Variants in TCHH observed in about 807,000 individuals in gnomAD.
TCHH encodes trichohyalin.
Under a neutral mutation model 6.3 loss-of-function variants are expected in TCHH, and 6 were observed. That is an observed-to-expected ratio of 0.95 (90% confidence interval 0.52 to 1.88). The LOEUF (loss-of-function observed/expected upper bound fraction) is 1.88. TCHH is among the 40% of genes most tolerant of loss of function. The pLI, the probability that TCHH is intolerant of heterozygous loss-of-function variation, is 0.01. For missense variants in TCHH, 2,920 were observed against 2,449.1 expected (o/e 1.19, Z -4.06); for synonymous variants, 1,087 against 963.6 (o/e 1.13, Z -2.37).
Position 152,107,829 on chromosome 1 carries a change from T to C in TCHH, c.5388A>G (p.Lys1796=). 6.2e-7 allele frequency: 1 copy of C among 1,613,182 alleles called. No homozygotes were observed. The highest frequency in any genetic ancestry group is 8.5e-7 in the Non-Finnish European group (1 of 1,179,778). ...QQLRSQESDR[K]FREEEQLRQE... is the part of the protein sequence containing the mutation. ...GGCGTAGCTGTTCCTCCTCGCGGAA[T>C]TTTCTGTCAGACTCTTGGCTGCGCA... Residue 1796 remains lysine, a synonymous_variant, in exon 3 of 3, where the codon AAA becomes AAG. Transcript: ENST00000614923.
At position 152,110,950 on chromosome 1, in the gene TCHH, C is replaced by A; in HGVS notation, c.2267G>T (p.Arg756Leu). The stretch of plus-strand genomic sequence containing the variant: ...GCGCTGCTCCTCTTCCTGCTGCTGC[C>A]GGTGAGCCCGTTCCTCCTCCTGCCA... The part of the protein sequence containing the change: ...LQWQEEERAH[R>L]QQQEEEQRRD... The change falls in exon 3 of 3, where the codon CGG (arginine) becomes CTG (leucine). Residue 756 changes from arginine to leucine, a missense_variant. By Grantham distance (102) the Arg-to-Leu change is moderately radical. Transcript: ENST00000614923. 1 of 1,613,246 alleles carries A rather than the reference C, an allele frequency of 6.2e-7. No individual in the cohort carries two copies. Among genetic ancestry groups the A allele is most frequent in the Non-Finnish European group, 8.5e-7 (1 of 1,179,960 alleles).
At position 152,108,195 on chromosome 1, in the gene TCHH, C is replaced by T. The variant is rs759025109; in HGVS notation, c.5022G>A (p.Gln1674=). 2.5e-6 allele frequency: 4 copies of T among 1,613,480 alleles called. No homozygotes were observed. The highest frequency in any genetic ancestry group is 1.7e-4 in the Middle Eastern group (1 of 6,058). Residue 1674 remains glutamine, a synonymous_variant, in exon 3 of 3, where the codon CAG becomes CAA. Transcript: ENST00000614923. The part of the protein sequence containing the change: ...DRDRKFREEE[Q]LLQEGEEQQL... ...GCTGTTCCTCCCCTTCCTGGAGCAG[C>T]TGTTCCTCTTCACGGAATTTTCTGT...
intron 2 of TCHH, 126 bp from the exon 3 acceptor site, chr1:152,113,204 T>G (rs901886782): frequency 2.1e-6 from 2 of 967,462 alleles, no homozygotes; most frequent in Admixed American, 5.9e-5. Context: ...TAGAAAAATG[T>G]CCAGTGTGTA....
In TCHH at chr1:152,108,557, C is replaced by T. The variant is rs758729961; in HGVS notation, c.4660G>A (p.Asp1554Asn). Reference protein sequence around the residue: ...ERGQQRRQDRDRKFREEEQLR... With the variant: ...ERGQQRRQDRNRKFREEEQLR... ...TGTTCCTCCTCGCGGAATTTTCTGTCACGGTCCTGACGCCGCTGTTGCCCG... is the reference window on the plus strand; with the variant it reads ...TGTTCCTCCTCGCGGAATTTTCTGTTACGGTCCTGACGCCGCTGTTGCCCG... The change falls in exon 3 of 3, where the codon GAC becomes AAC. Residue 1554 changes from aspartate (D) to asparagine (N), a missense_variant. Coordinates refer to ENST00000614923, the MANE Select transcript of TCHH (RefSeq NM_007113.4). The T allele has an allele frequency of 1.4e-5, 23 of 1,599,432 alleles. No homozygotes were observed. Among genetic ancestry groups the T allele is most frequent in the Middle Eastern group, 1.7e-4 (1 of 5,964 alleles).
Position 152,109,084 on chromosome 1 carries a change from T to C in TCHH, c.4133A>G (p.Glu1378Gly). The change falls in exon 3 of 3, where the codon GAG becomes GGG. Residue 1378 changes from glutamate to glycine, a missense_variant. By Grantham distance (98) the Glu-to-Gly change is moderately conservative. Coordinates refer to ENST00000614923, the MANE Select transcript of TCHH (RefSeq NM_007113.4). ...CTGGCGGCGCAGCCGCTGTTCCTCCTCGAGGAATTTTCTCCCTTGTTCCTG... is the reference window on the plus strand; with the variant it reads ...CTGGCGGCGCAGCCGCTGTTCCTCCCCGAGGAATTTTCTCCCTTGTTCCTG... ...RHQEQGRKFL[E>G]EEQRLRRQER... 6.2e-7 allele frequency: 1 copy of C among 1,613,136 alleles called. No homozygotes were observed. Among genetic ancestry groups the C allele is most frequent in the Non-Finnish European group, 8.5e-7 (1 of 1,179,814 alleles).
chr1:152,107,744 C>T lies in TCHH; in HGVS notation c.5473G>A (p.Glu1825Lys). ...TGTTCCTCAAGTTGGAGCTGCTCTT[C>T]TTCCCAGCGATACTTTCCGTCACGC... ...QQRDGKYRWE[E>K]EQLQLEEQEQ... is the part of the protein sequence containing the mutation. The change falls in exon 3 of 3, where the codon GAA (glutamate) becomes AAA (lysine). Residue 1825 changes from glutamate (E) to lysine (K), a missense_variant. Transcript: ENST00000614923. 9 of 1,614,250 alleles carry T rather than the reference C, an allele frequency of 5.6e-6. No homozygotes were observed. Among genetic ancestry groups the T allele is most frequent in the Non-Finnish European group, 7.6e-6 (9 of 1,180,048 alleles).
At chr1:152,114,141 A>G in intron 1 of TCHH, 30 bp from the exon 2 acceptor site, 2 of 1,504,568 alleles carry the variant, frequency 1.3e-6, no homozygotes, top group African/African-American at 1.4e-5. Flanking sequence ...TCCAGAATCA[A>G]AATCCCGTTT....
rs1291544156 is a variant in TCHH at position 152,112,941 on chromosome 1, G to A, written c.276C>T (p.Ala92=). ...CTCGCTTCTCCTCATCCAGTCCCGT[G>A]GCCTGGCCGAGAGCATAGTAACAAG... ...AQACYYALGQ[A]TGLDEEKRAR... Residue 92 remains alanine (A), a synonymous_variant, in exon 3 of 3, where the codon GCC becomes GCT. Transcript: ENST00000614923. 6.2e-7 allele frequency: 1 copy of A among 1,613,886 alleles called. No homozygotes were observed. Among genetic ancestry groups the A allele is most frequent in the East Asian group, 2.2e-5 (1 of 44,848 alleles).
intron 1 of TCHH, among the ~76,000 whole-genome samples, chr1:152,114,531 A>G (rs1440849743): frequency 6.6e-6 from 1 of 152,242 alleles, no homozygotes; most frequent in Non-Finnish European, 1.5e-5. Context: ...ACTTGAGAGT[A>G]TCTTAAAGTG....
chr1:152,111,867 CTCGCGCTTCAGCCG>C lies in TCHH; in HGVS notation c.1336_1349del (p.Arg446AlafsTer227), dbSNP rs1174048254. ...TCAGCCAATCGCGCCTCTCCTCCTG[CTCGCGCTTCAGCCG>C]CTGCTCGCGCCTCTCCTGCTCGTGC... is the stretch of plus-strand genomic sequence containing the variant. On this transcript the variant is annotated frameshift_variant, in exon 3 of 3. Coordinates refer to ENST00000614923, the MANE Select transcript of TCHH (RefSeq NM_007113.4). LOFTEE classifies it low-confidence loss of function (END_TRUNC). 1 of 1,608,536 alleles carries C rather than the reference CTCGCGCTTCAGCCG, an allele frequency of 6.2e-7. No individual in the cohort carries two copies. Among genetic ancestry groups the C allele is most frequent in the Non-Finnish European group, 8.5e-7 (1 of 1,178,824 alleles).
At position 152,108,360 on chromosome 1, in the gene TCHH, T is replaced by G. The variant is rs980317030; in HGVS notation, c.4857A>C (p.Arg1619Ser). 4 of 1,610,732 alleles carry G rather than the reference T, an allele frequency of 2.5e-6. No individual in the cohort carries two copies. Among genetic ancestry groups the G allele is most frequent in the African/African-American group, 1.4e-5 (1 of 73,946 alleles). The stretch of plus-strand genomic sequence containing the variant: ...GCAGCTGTTCGTCTTCGCGGAATTT[T>G]CTGTCGCGCTCCTGGCGCAGCTGTT... ...GQQQLRQERD[R>S]KFREDEQLLQ... Residue 1619 changes from arginine to serine, a missense_variant, in exon 3 of 3, where the codon AGA becomes AGC. Coordinates refer to ENST00000614923, the MANE Select transcript of TCHH (RefSeq NM_007113.4).
At chr1:152,114,148 G>A (rs148062678) in intron 1 of TCHH, 37 bp from the exon 2 acceptor site, 6 of 1,469,548 alleles carry the variant, frequency 4.1e-6, no homozygotes, top group Admixed American at 4.8e-5. Context: ...TCAAAATCCC[G>A]TTTCTGCTTT....
chr1:152,110,921 C>A lies in TCHH; in HGVS notation c.2296G>T (p.Asp766Tyr), dbSNP rs777598354. 10 of 1,613,030 alleles carry A rather than the reference C, an allele frequency of 6.2e-6. No individual in the cohort carries two copies. The highest frequency in any genetic ancestry group is 1.3e-5 in the African/African-American group (1 of 74,898). Residue 766 changes from aspartate (D) to tyrosine (Y), a missense_variant, in exon 3 of 3, where the codon GAC becomes TAC. Asp to Tyr is a radical substitution (Grantham distance 160, BLOSUM62 -3). Coordinates refer to ENST00000614923, the MANE Select transcript of TCHH (RefSeq NM_007113.4). Reference protein sequence around the residue: ...RQQQEEEQRRDFTWQWQAEEK... With the variant: ...RQQQEEEQRRYFTWQWQAEEK... Reference sequence around the variant, plus strand: ...TCCGCCTGCCACTGCCATGTGAAGTCCCGGCGCTGCTCCTCTTCCTGCTGC... The same window carrying A: ...TCCGCCTGCCACTGCCATGTGAAGTACCGGCGCTGCTCCTCTTCCTGCTGC...
rs144466953 is a variant in TCHH at position 152,107,653 on chromosome 1, T to G, written c.5564A>C (p.Glu1855Ala). 191 of 1,613,988 alleles carry G rather than the reference T, an allele frequency of 1.2e-4. No homozygotes were observed. In the African/African-American group the frequency reaches 2.0e-3, roughly 17 times the overall value. ...TTCTTGTTCCTCACGACGACTCTTC[T>G]CCTGCGTGGCAAACTGCTCCTCCGC... Reference protein sequence around the residue: ...YRAEEQFATQEKSRREEQELW... With the variant: ...YRAEEQFATQAKSRREEQELW... Residue 1855 changes from glutamate to alanine, a missense_variant, in exon 3 of 3, where the codon GAG becomes GCG. Glu to Ala is a moderately radical substitution (Grantham distance 107, BLOSUM62 -1). Coordinates refer to ENST00000614923, the MANE Select transcript of TCHH (RefSeq NM_007113.4).
rs1131473 is a variant in TCHH at position 152,107,347 on chromosome 1, C to T, written c.*38G>A. On this transcript the variant is annotated 3_prime_UTR_variant, in exon 3 of 3. Coordinates refer to ENST00000614923, the MANE Select transcript of TCHH (RefSeq NM_007113.4). ...CCAGTGTTTCTCATTTTCCCGTGCT[C>T]GAAGCTTTGGCAGGTGTCAAGATAT... is the stretch of plus-strand genomic sequence containing the variant. The T allele has an allele frequency of 6.6e-7, 1 of 1,504,176 alleles. No homozygotes were observed. 93.2% of individuals were successfully genotyped at this position (1,504,176 alleles called of 1,614,324 possible).
Position 152,109,559 on chromosome 1 carries a change from G to A in TCHH, c.3658C>T (p.Arg1220Cys), listed in dbSNP as rs778993505. The change falls in exon 3 of 3, where the codon CGC becomes TGC. Residue 1220 changes from arginine to cysteine, a missense_variant. Arg to Cys is a radical substitution (Grantham distance 180). Transcript: ENST00000614923. The stretch of plus-strand genomic sequence containing the variant: ...TCCCACTGCCATTTCAGATCACTGC[G>A]CTGATCCTCATCCCGGTATCGCTGC... Reference protein sequence around the residue: ...RKQRYRDEDQRSDLKWQWEPE... With the variant: ...RKQRYRDEDQCSDLKWQWEPE... 2 of 1,614,088 alleles carry A rather than the reference G, an allele frequency of 1.2e-6. No individual in the cohort carries two copies. The highest frequency in any genetic ancestry group is 1.7e-5 in the Admixed American group (1 of 60,014).
Position 152,111,717 on chromosome 1 carries a change from C to T in TCHH, c.1500G>A (p.Gln500=). ...KLEEEERREQ[Q]ERREQQLRRE... ...GCCTTAGTTGCTGCTCGCGCCTCTC[C>T]TGCTGCTCGCGCCTCTCCTCCTCCT... Residue 500 remains glutamine, a synonymous_variant, in exon 3 of 3, where the codon CAG becomes CAA. Transcript: ENST00000614923. 1 of 1,572,968 alleles carries T rather than the reference C, an allele frequency of 6.4e-7. No individual in the cohort carries two copies. Among genetic ancestry groups the T allele is most frequent in the Non-Finnish European group, 8.7e-7 (1 of 1,149,766 alleles).
Position 152,109,128 on chromosome 1 carries a change from G to A in TCHH, c.4089C>T (p.Arg1363=), listed in dbSNP as rs1395214744. The stretch of plus-strand genomic sequence containing the variant: ...GTTCCTGATGGCGCAGTTCCTCTTC[G>A]CGGAATTTTCTGTCACGCTCTTGGC... ...LRRQERDRKF[R]EEELRHQEQG... Residue 1363 remains arginine (R), a synonymous_variant, in exon 3 of 3, where the codon CGC becomes CGT. Coordinates refer to ENST00000614923, the MANE Select transcript of TCHH (RefSeq NM_007113.4). 16 of 1,609,070 alleles carry A rather than the reference G, an allele frequency of 9.9e-6. No homozygotes were observed. The highest frequency in any genetic ancestry group is 4.1e-5 in the African/African-American group (3 of 73,314).
rs760954057 is a variant in TCHH at position 152,111,533 on chromosome 1, T to G, written c.1684A>C (p.Arg562=). The change falls in exon 3 of 3, where the codon AGG becomes CGG. Residue 562 remains arginine, a synonymous_variant. Transcript: ENST00000614923. ...TCGCGCTTCAGCCGCTGCTCTCGCCTCTCCTGCTCGAGCCTCTTCTCCTCC... is the reference window on the plus strand; with the variant it reads ...TCGCGCTTCAGCCGCTGCTCTCGCCGCTCCTGCTCGAGCCTCTTCTCCTCC... ...REEEKRLEQE[R]REQRLKREQE... 1 of 1,562,250 alleles carries G rather than the reference T, an allele frequency of 6.4e-7. No homozygotes were observed. Among genetic ancestry groups the G allele is most frequent in the Non-Finnish European group, 8.7e-7 (1 of 1,151,658 alleles).
Sources: gnomAD v4.1 joint callset for allele counts (sites outside exome capture counted in the v4.1 genomes callset) on GRCh38, gnomAD v4.1.1 for gene constraint, MANE v1.5 for transcripts, NCBI Gene and HGNC (gene_info 2026-07-23, HGNC 2026-07-21) for gene names.